Variants in ZC3H12B observed in about 807,000 individuals in gnomAD.
The protein encoded by ZC3H12B is probable ribonuclease ZC3H12B.
A neutral mutation model predicts 43.9 loss-of-function variants in ZC3H12B; 7 were observed. The observed-to-expected ratio is 0.16, with a 90% CI of 0.09 to 0.30. ZC3H12B has a LOEUF of 0.30. Among genes scored for constraint, ZC3H12B ranks in the 10% least tolerant of loss-of-function variants. The pLI is 1.00. For missense variants in ZC3H12B, 475 were observed against 670.2 expected, an observed-to-expected ratio of 0.71 and a Z score of 3.22; for synonymous variants, 222 against 241.7, an observed-to-expected ratio of 0.92 and a Z score of 0.76.
At chrX:65,228,982 C>T in the ZC3H12B span, among the ~76,000 whole-genome samples, 11 of 111,518 alleles carry the variant, frequency 9.9e-5, no homozygotes, top group South Asian at 3.8e-4. Flanking sequence ...AGATTCCATG[C>T]CATCCCCATC....
chrX:65,490,311 G>A (rs779016809), intron 1 of ZC3H12B, among the ~76,000 whole-genome samples: 1 of 104,201 alleles, frequency 9.6e-6, no homozygotes, highest in African/African-American at 3.6e-5. Context: ...AGAAGATGGA[G>A]TGACGTAAGA....
At chrX:65,083,089 CAG>C in the ZC3H12B span, among the ~76,000 whole-genome samples, 12 of 110,738 alleles carry the variant, frequency 1.1e-4, no homozygotes, top group Non-Finnish European at 2.1e-4. Flanking sequence ...TGCAAAAGAA[CAG>C]GGGATAGAAG....
chrX:65,204,756 C>T, the ZC3H12B span, among the ~76,000 whole-genome samples: 64 of 112,007 alleles, frequency 5.7e-4, no homozygotes, highest in African/African-American at 2.1e-3. Flanking sequence ...ACAAAATTAG[C>T]TCTTAAAAAC....
At chrX:65,295,472 A>T in the ZC3H12B span, among the ~76,000 whole-genome samples, 6 of 111,707 alleles carry the variant, frequency 5.4e-5, no homozygotes, top group Non-Finnish European at 1.1e-4. Flanking sequence ...ACACAAATAG[A>T]CAAAGTAAGG....
At chrX:65,081,253 A>G in the ZC3H12B span, among the ~76,000 whole-genome samples, 10 of 111,617 alleles carry the variant, frequency 9.0e-5, no homozygotes, top group Admixed American at 8.6e-4. Context: ...GAACGCAAAT[A>G]TCAAACTGAC....
At chrX:65,386,233 C>T (rs2066523413) in intron 2 of ZC3H12B, among the ~76,000 whole-genome samples, 1 of 111,829 alleles carries the variant, frequency 8.9e-6, no homozygotes, top group Non-Finnish European at 1.9e-5. Flanking sequence ...ACCAGCTCCT[C>T]TTTGTACCTC....
the ZC3H12B span, among the ~76,000 whole-genome samples, chrX:65,191,010 G>A: frequency 2.3e-5 from 2 of 85,949 alleles, no homozygotes; most frequent in African/African-American, 1.1e-4. Context: ...TAGCATGAAG[G>A]GTTGTTGAAT....
chrX:65,072,762 G>T, the ZC3H12B span, among the ~76,000 whole-genome samples: 2 of 111,874 alleles, frequency 1.8e-5, no homozygotes, highest in Non-Finnish European at 3.8e-5. Context: ...ACATGGTGGG[G>T]TGCATGCTTG....
chrX:65,142,666 T>A, the ZC3H12B span, among the ~76,000 whole-genome samples: 2 of 112,567 alleles, frequency 1.8e-5, no homozygotes, highest in Admixed American at 1.9e-4. Context: ...CATCTTGAGT[T>A]GATTTATGTA....
At chrX:65,166,208 C>T in the ZC3H12B span, among the ~76,000 whole-genome samples, 64 of 109,810 alleles carry the variant, frequency 5.8e-4, no homozygotes, top group African/African-American at 1.4e-3. Context: ...TCCCACCCCA[C>T]GACAGGCCCC....
the ZC3H12B span, among the ~76,000 whole-genome samples, chrX:65,358,306 T>C: frequency 9.0e-6 from 1 of 111,467 alleles, no homozygotes; most frequent in Non-Finnish European, 1.9e-5. Context: ...TATTCAGGAC[T>C]TAAACTCGGC....
At chrX:65,103,527 G>A in the ZC3H12B span, among the ~76,000 whole-genome samples, 1 of 112,006 alleles carries the variant, frequency 8.9e-6, no homozygotes, top group Non-Finnish European at 1.9e-5. Flanking sequence ...ACAGGATTAA[G>A]AGATTAAAGT....
the ZC3H12B span, among the ~76,000 whole-genome samples, chrX:65,340,614 C>G: frequency 1.8e-5 from 2 of 111,951 alleles, no homozygotes; most frequent in Non-Finnish European, 3.8e-5. Context: ...TCCCTAAAAT[C>G]TTCCAGAAAT....
At chrX:65,449,389 C>A (rs978506933) in intron 3 of ZC3H12B, among the ~76,000 whole-genome samples, 1 of 111,143 alleles carries the variant, frequency 9.0e-6, no homozygotes, top group Non-Finnish European at 1.9e-5. Flanking sequence ...GAGGCCAAGG[C>A]GGGCGGATCA....
the ZC3H12B span, among the ~76,000 whole-genome samples, chrX:65,129,756 A>G: frequency 9.1e-6 from 1 of 110,430 alleles, no homozygotes; most frequent in South Asian, 3.9e-4. Context: ...GGCAGCAAAA[A>G]TTTTGGGGGG....
chrX:65,083,694 G>GA, the ZC3H12B span, among the ~76,000 whole-genome samples: 1 of 111,704 alleles, frequency 9.0e-6, no homozygotes, highest in Non-Finnish European at 1.9e-5. Context: ...GTACTCTACA[G>GA]ATTCAATGCA....
At chrX:65,436,083 T>TGCCAGAA (rs1359989074) in intron 3 of ZC3H12B, among the ~76,000 whole-genome samples, 2 of 112,242 alleles carry the variant, frequency 1.8e-5, no homozygotes, top group African/African-American at 6.5e-5. Context: ...CTTACAATCA[T>TGCCAGAA]GCCAGAAGCC....
chrX:65,379,161 G>A (rs907944716), intron 2 of ZC3H12B, among the ~76,000 whole-genome samples: 1 of 112,160 alleles, frequency 8.9e-6, no homozygotes, highest in Non-Finnish European at 1.9e-5. Context: ...GGAGGGCACA[G>A]ACAAACAAAA....
the ZC3H12B span, among the ~76,000 whole-genome samples, chrX:65,164,987 G>A: frequency 8.9e-6 from 1 of 111,871 alleles, no homozygotes; most frequent in Non-Finnish European, 1.9e-5. Context: ...TAGTTGGGGA[G>A]GGAGATGAGA....
Sources: gnomAD v4.1 joint callset for allele counts (sites outside exome capture counted in the v4.1 genomes callset) on GRCh38, gnomAD v4.1.1 for gene constraint, MANE v1.5 for transcripts, NCBI Gene and HGNC (gene_info 2026-07-23, HGNC 2026-07-21) for gene names.